Variants in ARHGEF3 observed in about 807,000 individuals in gnomAD.
The protein encoded by ARHGEF3 is Rho guanine nucleotide exchange factor 3.
A neutral mutation model predicts 63.2 loss-of-function variants in ARHGEF3; 28 were observed. That is an observed-to-expected ratio of 0.44 (90% CI 0.33 to 0.61). The LOEUF is 0.61. ARHGEF3 is among the 20% of genes least tolerant of loss of function. ARHGEF3 has a pLI of 0.03. For missense variants in ARHGEF3, 533 were observed against 659.3 expected (o/e 0.81, Z 2.10); for synonymous variants, 266 against 254.2 (o/e 1.05, Z -0.44).
At position 56,990,557 on chromosome 3, in the gene ARHGEF3, G is replaced by A. The variant is rs1701710582; in HGVS notation, c.63-31668C>T. On this transcript the variant is annotated intron_variant, in intron 2 of 12. Coordinates refer to the ARHGEF3 transcript ENST00000338458. ...GCTGAGATCATGCCACTACCTGAGA[G>A]TAGTTTCCTAAAAGAGTTGGTATTG... Among the ~76,000 whole-genome samples the A allele has an allele frequency of 2.0e-5, 3 of 152,168 alleles. No homozygotes were observed. In the South Asian group the frequency reaches 6.2e-4, roughly 31 times the overall value.
intron 4 of ARHGEF3, among the ~76,000 whole-genome samples, chr3:56,857,695 G>A (rs2039932957): frequency 6.6e-6 from 1 of 152,176 alleles, no homozygotes; most frequent in South Asian, 2.1e-4. Context: ...GGAGATGGGG[G>A]AATCTGGTGC....
intron 4 of ARHGEF3, among the ~76,000 whole-genome samples, chr3:56,872,297 A>G (rs1051447496): frequency 3.3e-5 from 5 of 152,184 alleles, no homozygotes; most frequent in Non-Finnish European, 7.3e-5. Flanking sequence ...TCCACAATAC[A>G]GTGTATGCTC....
intron 7 of ARHGEF3, among the ~76,000 whole-genome samples, chr3:56,738,900 G>A (rs2033821181): frequency 6.6e-6 from 1 of 151,982 alleles, no homozygotes; most frequent in Non-Finnish European, 1.5e-5. Context: ...AGACCAGCCT[G>A]GCCAACATGG....
At chr3:56,835,590 C>A (rs141891870) in intron 4 of ARHGEF3, among the ~76,000 whole-genome samples, 197 of 152,282 alleles carry the variant, frequency 1.3e-3, no homozygotes, top group African/African-American at 4.7e-3. Flanking sequence ...AGCATTAATT[C>A]AGAGTATGAT....
intron 1 of ARHGEF3, among the ~76,000 whole-genome samples, chr3:57,054,642 A>G (rs1704828852): frequency 6.9e-6 from 1 of 144,596 alleles, no homozygotes; most frequent in African/African-American, 2.5e-5. Context: ...CCATCTCAAA[A>G]ATTTTTTTTT....
intron 4 of ARHGEF3, among the ~76,000 whole-genome samples, chr3:56,878,183 C>T (rs1362467696): frequency 6.6e-6 from 1 of 152,180 alleles, no homozygotes; most frequent in African/African-American, 2.4e-5. Context: ...AAGGGCCTTT[C>T]CTGTGGTGAC....
chr3:56,741,184 C>CCTTTTTTTTTTTTTTT (rs754074079), intron 7 of ARHGEF3, among the ~76,000 whole-genome samples: 1 of 128,872 alleles, frequency 7.8e-6, no homozygotes, highest in Non-Finnish European at 1.6e-5. Context: ...TGCTTTGGTT[C>CCTTTTTTTTTTTTTTT]TTTTTTTTTT....
intron 2 of ARHGEF3, among the ~76,000 whole-genome samples, chr3:56,966,659 G>A (rs961124306): frequency 6.6e-6 from 1 of 151,970 alleles, no homozygotes; most frequent in Non-Finnish European, 1.5e-5. Context: ...GATATCCCTG[G>A]CAAGGGAGGG....
At chr3:57,035,604 C>T (rs1315812385) in intron 1 of ARHGEF3, among the ~76,000 whole-genome samples, 1 of 152,264 alleles carries the variant, frequency 6.6e-6, no homozygotes, top group African/African-American at 2.4e-5. Context: ...CCACCTCAAC[C>T]TCCCAAAGTG....
Position 56,728,325 on chromosome 3 carries a change from C to CT in ARHGEF3, c.*944dup, listed in dbSNP as rs1161442038. 1.3e-5 allele frequency: 2 copies of CT among 152,660 alleles called. No individual in the cohort carries two copies. The highest frequency in any genetic ancestry group is 4.8e-5 in the African/African-American group (2 of 41,460). 9.5% of individuals were successfully genotyped at this position (152,660 alleles called of 1,614,324 possible). A position where few individuals can be genotyped will look rare whatever the true frequency, so the allele number is the denominator to read the frequency against. ...TCCCACAGAAGGTTCTGACGAAGTG[C>CT]TTTTCATTCCAAATTCTTCCTCTCC... On this transcript the variant is annotated 3_prime_UTR_variant, in exon 10 of 10. Coordinates refer to ENST00000296315, the MANE Select transcript of ARHGEF3 (RefSeq NM_019555.3).
At position 56,729,262 on chromosome 3, in the gene ARHGEF3, T is replaced by G; in HGVS notation, c.*8A>C. 1 of 1,605,130 alleles carries G rather than the reference T, an allele frequency of 6.2e-7. No homozygotes were observed. The highest frequency in any genetic ancestry group is 8.5e-7 in the Non-Finnish European group (1 of 1,174,824). On this transcript the variant is annotated 3_prime_UTR_variant, in exon 10 of 10. Transcript: ENST00000296315. The stretch of plus-strand genomic sequence containing the variant: ...GCAGGCCTGCTTCCCGAAGTGCACA[T>G]GCTTCTGTCAGACGTTACTTTCACC...
At chr3:56,852,090 C>T (rs2039695325) in intron 4 of ARHGEF3, among the ~76,000 whole-genome samples, 1 of 152,188 alleles carries the variant, frequency 6.6e-6, no homozygotes. Context: ...ACCTGTGAGT[C>T]TTCCTCATAC....
intron 3 of ARHGEF3, among the ~76,000 whole-genome samples, chr3:56,887,723 A>G (rs1049756483): frequency 6.6e-6 from 1 of 152,170 alleles, no homozygotes; most frequent in Non-Finnish European, 1.5e-5. Flanking sequence ...ATTCTTGTCA[A>G]ATTTACTGAA....
At position 57,040,476 on chromosome 3, in the gene ARHGEF3, A is replaced by AAGGAAAAGAAAAGAAAAGAAAAG. The variant is rs1385929758; in HGVS notation, c.-27-5301_-27-5300insCTTTTCTTTTCTTTTCTTTTCCT. Among the ~76,000 whole-genome samples the AAGGAAAAGAAAAGAAAAGAAAAG allele has an allele frequency of 8.6e-3, 192 of 22,248 alleles. 1 individual carries two copies. Among genetic ancestry groups the AAGGAAAAGAAAAGAAAAGAAAAG allele is most frequent in the African/African-American group, 0.018 (182 of 9,844 alleles). 14.6% of individuals were successfully genotyped at this position (22,248 alleles called of 152,430 possible). On this transcript the variant is annotated intron_variant, in intron 1 of 12. Coordinates refer to the ARHGEF3 transcript ENST00000338458. ...TGGGCGACAGAATAAGACTCCGTCAAAAGAAAAGAAAAGAAAAGAAAAGAA... is the reference window on the plus strand; with the variant it reads ...TGGGCGACAGAATAAGACTCCGTCAAAGGAAAAGAAAAGAAAAGAAAAGAAGAAAAGAAAAGAAAAGAAAAGAA...
At chr3:56,749,227 A>G (rs182279736) in intron 6 of ARHGEF3, among the ~76,000 whole-genome samples, 1 of 152,308 alleles carries the variant, frequency 6.6e-6, no homozygotes, top group African/African-American at 2.4e-5. Flanking sequence ...TGATGTCTGA[A>G]GCATCCAGAT....
intron 2 of ARHGEF3, among the ~76,000 whole-genome samples, chr3:57,010,628 T>G (rs947067807): frequency 7.9e-5 from 12 of 152,118 alleles, no homozygotes; most frequent in Non-Finnish European, 1.2e-4. Flanking sequence ...TTTGACTATC[T>G]ATAACCTGTA....
At chr3:56,861,628 T>G (rs1319693172) in intron 4 of ARHGEF3, among the ~76,000 whole-genome samples, 2 of 152,076 alleles carry the variant, frequency 1.3e-5, no homozygotes, top group Admixed American at 1.3e-4. Flanking sequence ...AAATGGAACC[T>G]GAGTATAAAA....
At chr3:56,983,943 A>AAG (rs1312837167) in intron 2 of ARHGEF3, among the ~76,000 whole-genome samples, 1 of 150,660 alleles carries the variant, frequency 6.6e-6, no homozygotes, top group Non-Finnish European at 1.5e-5. Context: ...TCGAGAAAAA[A>AAG]AAAAAAAAAA....
intron 1 of ARHGEF3, among the ~76,000 whole-genome samples, chr3:57,062,109 G>A (rs1705252993): frequency 6.6e-6 from 1 of 152,114 alleles, no homozygotes; most frequent in Non-Finnish European, 1.5e-5. Context: ...CTAGCAGTGA[G>A]AAATCCAACT....
Sources: gnomAD v4.1 joint callset for allele counts (sites outside exome capture counted in the v4.1 genomes callset) on GRCh38, gnomAD v4.1.1 for gene constraint, MANE v1.5 for transcripts, NCBI Gene and HGNC (gene_info 2026-07-23, HGNC 2026-07-21) for gene names.